Variants in EEF1G observed in about 807,000 individuals in gnomAD.
EEF1G encodes eukaryotic translation elongation factor 1 gamma, also known as elongation factor 1-gamma.
A neutral mutation model predicts 58.3 loss-of-function variants in EEF1G; 14 were observed. The ratio of observed to expected loss-of-function variants is 0.24; its 90% CI spans 0.16 to 0.38. The LOEUF (loss-of-function observed/expected upper bound fraction) is 0.38, where lower values mean the gene tolerates loss of function less well. Ranked by LOEUF, EEF1G falls within the 10% of genes least tolerant of loss-of-function variation. EEF1G has a pLI of 1.00. For missense variants in EEF1G, 322 were observed against 550.1 expected, an observed-to-expected ratio of 0.59 and a Z score of 4.15; for synonymous variants, 180 against 206.8, an observed-to-expected ratio of 0.87 and a Z score of 1.11.
intron 7 of EEF1G, among the ~76,000 whole-genome samples, chr11:62,565,398 C>T (rs1045694137): frequency 6.6e-6 from 1 of 151,588 alleles, no homozygotes. Context: ...AAAAAAAAAA[C>T]CTTGGGGAAA....
intron 7 of EEF1G, 145 bp from the exon 8 acceptor site, chr11:62,560,599 T>A: frequency 1.1e-6 from 1 of 930,212 alleles, no homozygotes; most frequent in South Asian, 1.7e-5. Flanking sequence ...ATGAGGGAAG[T>A]AAGCTCAAGG....
chr11:62,564,758 C>CAG (rs1555043059), intron 7 of EEF1G, among the ~76,000 whole-genome samples: 1 of 75,056 alleles, frequency 1.3e-5, no homozygotes, highest in East Asian at 7.9e-4. Context: ...GACTCCATCT[C>CAG]AAAAAAAAAA....
At chr11:62,569,085 G>GCACACA (rs58533891) in intron 5 of EEF1G, among the ~76,000 whole-genome samples, 74 of 149,352 alleles carry the variant, frequency 5.0e-4, no homozygotes, top group Non-Finnish European at 7.6e-4. Flanking sequence ...ATACACACAC[G>GCACACA]CACACACACA....
chr11:62,571,725 C>T, intron 3 of EEF1G, 43 bp from the exon 4 acceptor site: 2 of 1,573,850 alleles, frequency 1.3e-6, no homozygotes, highest in South Asian at 2.3e-5. Flanking sequence ...GGGGGAATGC[C>T]AACACCAGTC....
chr11:62,568,714 T>C (rs1385612906), intron 5 of EEF1G, among the ~76,000 whole-genome samples: 1 of 152,074 alleles, frequency 6.6e-6, no homozygotes, highest in Admixed American at 6.6e-5. Flanking sequence ...GGCTCACGCC[T>C]ATAATCCCAG....
chr11:62,563,309 G>C (rs1031395083), intron 7 of EEF1G, among the ~76,000 whole-genome samples: 2 of 151,788 alleles, frequency 1.3e-5, no homozygotes, highest in Non-Finnish European at 2.9e-5. Flanking sequence ...TGTACTTTTT[G>C]TATTTTTAGT....
At chr11:62,562,313 G>T (rs1448727148) in intron 7 of EEF1G, among the ~76,000 whole-genome samples, 1 of 152,100 alleles carries the variant, frequency 6.6e-6, no homozygotes, top group African/African-American at 2.4e-5. Context: ...TCTCTTGGTT[G>T]CCGGCTAATA....
Position 62,573,871 on chromosome 11 carries a change from T to C in EEF1G, c.-29A>G, listed in dbSNP as rs1941668892. ...GATTCCGCAAAGAAAGGGGGTGGGG[T>C]TCTCGGCGCTGCCGCAAAGTAAGCC... On this transcript the variant is annotated 5_prime_UTR_variant, in exon 1 of 10. Transcript: ENST00000329251. 5 of 1,613,162 alleles carry C rather than the reference T, an allele frequency of 3.1e-6. No homozygotes were observed. The highest frequency in any genetic ancestry group is 1.3e-5 in the African/African-American group (1 of 74,790).
At chr11:62,572,103 C>A (rs1422469198) in intron 2 of EEF1G, among the ~76,000 whole-genome samples, 1 of 152,012 alleles carries the variant, frequency 6.6e-6, no homozygotes, top group African/African-American at 2.4e-5. Flanking sequence ...AACTAGGAAG[C>A]CCAATAGATT....
chr11:62,565,456 C>T (rs189184711), intron 7 of EEF1G, among the ~76,000 whole-genome samples: 70 of 151,766 alleles, frequency 4.6e-4, no homozygotes, highest in Non-Finnish European at 7.5e-4. Context: ...AATAAATAGA[C>T]ATTAATAAAC....
At chr11:62,567,654 C>T (rs1266088474) in intron 5 of EEF1G, 126 bp from the exon 6 acceptor site, 1 of 876,932 alleles carries the variant, frequency 1.1e-6, no homozygotes, top group Non-Finnish European at 1.6e-6. Context: ...TAGACAATAG[C>T]TTCATACAAC....
intron 5 of EEF1G, among the ~76,000 whole-genome samples, chr11:62,568,045 C>G (rs549156079): frequency 1.3e-5 from 2 of 150,886 alleles, no homozygotes; most frequent in African/African-American, 4.9e-5. Flanking sequence ...CTGGCTAACA[C>G]GGTGAACCCC....
At chr11:62,571,207 C>T in intron 4 of EEF1G, 99 bp from the exon 5 acceptor site, 1 of 1,548,078 alleles carries the variant, frequency 6.5e-7, no homozygotes, top group Non-Finnish European at 8.8e-7. Context: ...ACCTAGAAGT[C>T]TGAGCTCACC....
At chr11:62,561,061 G>C (rs1412139956) in intron 7 of EEF1G, among the ~76,000 whole-genome samples, 2 of 152,192 alleles carry the variant, frequency 1.3e-5, no homozygotes, top group Non-Finnish European at 2.9e-5. Flanking sequence ...CAATATAGCA[G>C]AGGTCACTCC....
chr11:62,566,436 G>A (rs1322742896), intron 7 of EEF1G, among the ~76,000 whole-genome samples: 1 of 152,056 alleles, frequency 6.6e-6, no homozygotes, highest in African/African-American at 2.4e-5. Flanking sequence ...GGCGCGTGGC[G>A]CACCGCAAGG....
At chr11:62,566,132 G>A (rs535454271) in intron 7 of EEF1G, among the ~76,000 whole-genome samples, 16 of 152,254 alleles carry the variant, frequency 1.1e-4, no homozygotes, top group African/African-American at 3.9e-4. Flanking sequence ...CCATCCCAGA[G>A]AACTGGGCAA....
chr11:62,573,651 G>C, intron 1 of EEF1G, 180 bp downstream of exon 1: 1 of 851,968 alleles, frequency 1.2e-6, no homozygotes, highest in Non-Finnish European at 1.8e-6. Flanking sequence ...TGGCCTCCGA[G>C]AGCCCCAGCC....
intron 5 of EEF1G, 21 bp from the exon 6 acceptor site, chr11:62,567,549 A>C: frequency 6.4e-7 from 1 of 1,571,272 alleles, no homozygotes; most frequent in South Asian, 1.2e-5. Context: ...ATAAGGGTGT[A>C]AACAAAGTCA....
intron 7 of EEF1G, among the ~76,000 whole-genome samples, chr11:62,562,437 T>A (rs1227317884): frequency 6.6e-6 from 1 of 152,136 alleles, no homozygotes; most frequent in Non-Finnish European, 1.5e-5. Context: ...ATATATATGC[T>A]GACTGAAGAA....
Sources: gnomAD v4.1 joint callset for allele counts (sites outside exome capture counted in the v4.1 genomes callset) on GRCh38, gnomAD v4.1.1 for gene constraint, MANE v1.5 for transcripts, NCBI Gene and HGNC (gene_info 2026-07-23, HGNC 2026-07-21) for gene names.